The following TRDN variants were observed in gnomAD, a reference collection of about 807,000 sequenced individuals.
TRDN encodes the protein triadin.
A neutral mutation model predicts 149.7 loss-of-function variants in TRDN; 161 were observed. The observed-to-expected ratio is 1.08, with a 90% CI of 0.95 to 1.23. The LOEUF (loss-of-function observed/expected upper bound fraction) is 1.23. Ranked by LOEUF, TRDN falls within the 50% of genes most tolerant of loss-of-function variation. The pLI, the probability that TRDN is intolerant of heterozygous loss-of-function variation, is 0.00. For missense variants in TRDN, 896 were observed against 823.5 expected, an observed-to-expected ratio of 1.09 and a Z score of -1.08; for synonymous variants, 294 against 250.5, an observed-to-expected ratio of 1.17 and a Z score of -1.64.
At chr6:123,556,135 A>G (rs1562385954) in intron 2 of TRDN, among the ~76,000 whole-genome samples, 1 of 152,180 alleles carries the variant, frequency 6.6e-6, no homozygotes, top group African/African-American at 2.4e-5. Flanking sequence ...ATGCTTTTGT[A>G]AAGAGAAGAG....
chr6:123,609,173 A>C (rs1055132673), intron 1 of TRDN, among the ~76,000 whole-genome samples: 3 of 152,078 alleles, frequency 2.0e-5, no homozygotes, highest in Non-Finnish European at 4.4e-5. Flanking sequence ...ACTCCATCTC[A>C]AAAAAACAAA....
intron 25 of TRDN, among the ~76,000 whole-genome samples, chr6:123,278,662 G>A (rs112420451): frequency 8.4e-4 from 128 of 152,188 alleles, no homozygotes; most frequent in African/African-American, 3.0e-3. Flanking sequence ...CCCAGCTACT[G>A]GGGAGGCTGA....
chr6:123,335,872 A>G (rs571280500), intron 22 of TRDN, among the ~76,000 whole-genome samples: 2 of 152,158 alleles, frequency 1.3e-5, no homozygotes, highest in Admixed American at 1.3e-4. Context: ...CAAATTATGT[A>G]TGTATATCTT....
intron 24 of TRDN, among the ~76,000 whole-genome samples, chr6:123,312,498 A>G (rs1272977881): frequency 6.6e-6 from 1 of 152,058 alleles, no homozygotes; most frequent in African/African-American, 2.4e-5. Flanking sequence ...TACAGCATAT[A>G]ATACATATAA....
At chr6:123,583,239 T>C (rs931012387) in intron 1 of TRDN, among the ~76,000 whole-genome samples, 3 of 152,060 alleles carry the variant, frequency 2.0e-5, no homozygotes, top group African/African-American at 7.2e-5. Flanking sequence ...TAGCAGGGCA[T>C]GTATGAGTAG....
At chr6:123,306,914 T>C (rs577112950) in intron 24 of TRDN, among the ~76,000 whole-genome samples, 4 of 152,198 alleles carry the variant, frequency 2.6e-5, no homozygotes, top group African/African-American at 9.6e-5. Context: ...AGAAATTTAG[T>C]GTCCAACAAT....
At chr6:123,430,266 T>C (rs937472760) in intron 12 of TRDN, among the ~76,000 whole-genome samples, 1 of 151,598 alleles carries the variant, frequency 6.6e-6, no homozygotes, top group African/African-American at 2.4e-5. Flanking sequence ...CAAGACCCTG[T>C]CTCAAAATAT....
intron 1 of TRDN, among the ~76,000 whole-genome samples, chr6:123,578,838 G>A (rs1782983217): frequency 6.6e-6 from 1 of 152,022 alleles, no homozygotes; most frequent in Admixed American, 6.6e-5. Flanking sequence ...GCAGTGTTCT[G>A]TAATTCTCAT....
intron 9 of TRDN, among the ~76,000 whole-genome samples, chr6:123,486,121 C>T (rs1274870141): frequency 6.6e-6 from 1 of 151,974 alleles, no homozygotes; most frequent in Non-Finnish European, 1.5e-5. Flanking sequence ...CCAACAGAGG[C>T]ATAAGATGAC....
intron 10 of TRDN, chr6:123,464,312 T>G (rs1180151365): frequency 2.0e-6 from 2 of 984,320 alleles, no homozygotes; most frequent in Admixed American, 6.1e-5. Flanking sequence ...TCAAGAATTA[T>G]TAGTAGTATT....
At chr6:123,502,712 C>T (rs970402685) in intron 8 of TRDN, 2 of 983,644 alleles carry the variant, frequency 2.0e-6, no homozygotes, top group Non-Finnish European at 2.4e-6. Flanking sequence ...ATTTCTTAAA[C>T]TAAAATCTAA....
intron 23 of TRDN, among the ~76,000 whole-genome samples, chr6:123,321,368 T>G (rs1236453013): frequency 1.3e-5 from 2 of 152,170 alleles, no homozygotes; most frequent in African/African-American, 4.8e-5. Context: ...ATACGTATTT[T>G]AAAATTAAAA....
chr6:123,473,558 G>A (rs1380853147), intron 9 of TRDN, among the ~76,000 whole-genome samples: 1 of 151,830 alleles, frequency 6.6e-6, no homozygotes, highest in Non-Finnish European at 1.5e-5. Context: ...AATCTAGCAA[G>A]GCAGGCCAAC....
chr6:123,550,342 A>T (rs1781322116), intron 2 of TRDN, among the ~76,000 whole-genome samples: 1 of 152,040 alleles, frequency 6.6e-6, no homozygotes, highest in South Asian at 2.1e-4. Flanking sequence ...AGTGTAATGC[A>T]CCAGATATCA....
intron 1 of TRDN, among the ~76,000 whole-genome samples, chr6:123,589,641 G>T (rs1055818451): frequency 3.3e-5 from 5 of 152,096 alleles, no homozygotes; most frequent in Admixed American, 3.3e-4. Context: ...ACCCCACATG[G>T]AGTCATAATC....
intron 12 of TRDN, among the ~76,000 whole-genome samples, chr6:123,428,404 A>G (rs1253887214): frequency 6.6e-6 from 1 of 152,216 alleles, no homozygotes; most frequent in Non-Finnish European, 1.5e-5. Context: ...GGCAGCACCT[A>G]TGGCCAATTT....
chr6:123,279,311 G>A (rs1211952134), intron 24 of TRDN, among the ~76,000 whole-genome samples: 1 of 151,988 alleles, frequency 6.6e-6, no homozygotes, highest in Non-Finnish European at 1.5e-5. Flanking sequence ...TCAGGTTTTA[G>A]GCCATATAGT....
In TRDN at chr6:123,437,381, A is replaced by ATTTTTTTTTT. The variant is rs565538741; in HGVS notation, c.1051+672_1051+681dup. Reference sequence around the variant, plus strand: ...CTTTCTCTACTTTATTGAGATACAGATTTTTTTTTTTTTTTTTTTTTTTTT... The same window carrying ATTTTTTTTTT: ...CTTTCTCTACTTTATTGAGATACAGATTTTTTTTTTTTTTTTTTTTTTTTTTTTTTTTTTT... On this transcript the variant is annotated intron_variant, in intron 12 of 40. Coordinates refer to ENST00000334268, the MANE Select transcript of TRDN (RefSeq NM_006073.4). The ATTTTTTTTTT allele has an allele frequency of 2.8e-5, 5 of 175,860 alleles. 1 individual carries two copies. The highest frequency in any genetic ancestry group is 1.8e-4 in the East Asian group (1 of 5,410). The allele number at this position is 175,860 out of a possible 1,614,324, so 10.9% of individuals were successfully genotyped here. A position where few individuals can be genotyped will look rare whatever the true frequency, so the allele number is the denominator to read the frequency against.
intron 10 of TRDN, among the ~76,000 whole-genome samples, chr6:123,450,496 G>T (rs754138196): frequency 6.6e-5 from 10 of 152,064 alleles, no homozygotes; most frequent in Non-Finnish European, 1.2e-4. Flanking sequence ...AGTAAAAAGA[G>T]ACAAAGAGGG....
Sources: gnomAD v4.1 joint callset for allele counts (sites outside exome capture counted in the v4.1 genomes callset) on GRCh38, gnomAD v4.1.1 for gene constraint, MANE v1.5 for transcripts, NCBI Gene and HGNC (gene_info 2026-07-23, HGNC 2026-07-21) for gene names.